The following SEL1L2 variants were observed in gnomAD, a reference collection of about 807,000 sequenced individuals.
The protein encoded by SEL1L2 is protein sel-1 homolog 2.
A neutral mutation model predicts 98.8 loss-of-function variants in SEL1L2; 89 were observed. That is an observed-to-expected ratio of 0.90 (90% confidence interval 0.76 to 1.07). The LOEUF (loss-of-function observed/expected upper bound fraction) is 1.07, where lower values mean the gene tolerates loss of function less well. SEL1L2 is among the 50% of genes least tolerant of loss of function. SEL1L2 has a pLI of 0.00. For synonymous variants in SEL1L2, 262 were observed against 278.5 expected (o/e 0.94, Z 0.59); for missense variants, 788 against 812.0 (o/e 0.97, Z 0.36).
chr20:13,941,370 G>A (rs760746322), intron 2 of SEL1L2, among the ~76,000 whole-genome samples: 51 of 152,094 alleles, frequency 3.4e-4, no homozygotes, highest in Non-Finnish European at 5.9e-4. Context: ...TTGTAACGGT[G>A]GTCTTTGAAT....
At chr20:13,860,042 T>C (rs1989848488) in intron 17 of SEL1L2, among the ~76,000 whole-genome samples, 1 of 152,162 alleles carries the variant, frequency 6.6e-6, no homozygotes, top group Admixed American at 6.5e-5. Flanking sequence ...AATTTTACCT[T>C]TTAATTTTTT....
chr20:13,945,057 G>A (rs1397563580), intron 2 of SEL1L2, among the ~76,000 whole-genome samples: 1 of 152,146 alleles, frequency 6.6e-6, no homozygotes, highest in African/African-American at 2.4e-5. Flanking sequence ...TTGAGTAGAT[G>A]GAGAACTACA....
chr20:13,955,564 T>C (rs2050495530), intron 2 of SEL1L2, among the ~76,000 whole-genome samples: 2 of 152,182 alleles, frequency 1.3e-5, no homozygotes, highest in African/African-American at 4.8e-5. Context: ...AGCAAGCCAT[T>C]GTAATGCTTT....
intron 18 of SEL1L2, among the ~76,000 whole-genome samples, chr20:13,857,311 T>C (rs1989324086): frequency 6.6e-6 from 1 of 151,556 alleles, no homozygotes; most frequent in Admixed American, 6.6e-5. Flanking sequence ...AGAACCCTGG[T>C]AGAAAAGAAC....
chr20:13,976,765 T>C (rs1355561921), intron 1 of SEL1L2, among the ~76,000 whole-genome samples: 1 of 152,164 alleles, frequency 6.6e-6, no homozygotes, highest in African/African-American at 2.4e-5. Flanking sequence ...TAAAAGATAC[T>C]AAAATGAGAT....
intron 2 of SEL1L2, among the ~76,000 whole-genome samples, chr20:13,935,754 G>C (rs1467298462): frequency 1.3e-5 from 2 of 152,150 alleles, no homozygotes; most frequent in African/African-American, 4.8e-5. Flanking sequence ...GATATTAACT[G>C]AATTAAATTT....
At chr20:13,907,730 CTTTCTTTCTTTCTTTCT>C (rs1198413151) in intron 5 of SEL1L2, among the ~76,000 whole-genome samples, 3 of 123,256 alleles carry the variant, frequency 2.4e-5, no homozygotes, top group African/African-American at 9.6e-5. Flanking sequence ...TTCTTTCTTT[CTTTCTTTCTTTCTTTCT>C]TTTCTTTTCT....
chr20:13,995,219 C>T (rs2052613320), upstream of SEL1L2: 1 of 179,404 alleles, frequency 5.6e-6, no homozygotes, highest in African/African-American at 2.4e-5. The surrounding 1 kb of genome is among the most constrained non-coding windows in gnomAD (Gnocchi z 4.3). Context: ...CGGTCCACCT[C>T]CCTCTCCCAC....
intron 2 of SEL1L2, among the ~76,000 whole-genome samples, chr20:13,941,579 G>A (rs6074667): frequency 0.11 from 17,351 of 152,098 alleles, 1,170 homozygotes; most frequent in Admixed American, 0.18. Flanking sequence ...GTTTTGGAGC[G>A]AGACCAGCTG....
chr20:13,889,677 G>T (rs533459071), intron 5 of SEL1L2, among the ~76,000 whole-genome samples: 17 of 152,236 alleles, frequency 1.1e-4, no homozygotes, highest in African/African-American at 3.6e-4. Context: ...TGTAGTCCCA[G>T]CTGCTCGGGA....
intron 1 of SEL1L2, among the ~76,000 whole-genome samples, chr20:13,958,553 G>A (rs766760905): frequency 3.9e-5 from 6 of 152,068 alleles, no homozygotes; most frequent in African/African-American, 4.8e-5. Context: ...AAAATGGGTC[G>A]TAAAGCAGCA....
At chr20:13,890,761 A>C (rs6042414) in intron 5 of SEL1L2, among the ~76,000 whole-genome samples, 16,716 of 152,226 alleles carry the variant, frequency 0.11, 994 homozygotes, top group African/African-American at 0.15. Flanking sequence ...TAAGAGAATA[A>C]AGAAAACAAA....
rs6042465 is a variant in SEL1L2, at chr20:13,977,088, A to G, written c.58+13389T>C. ...TTAACAAGAGAAAAAACACAGGAGGAAGTAACCTTGAAAACAAATGTTGAT... is the reference window on the plus strand; with the variant it reads ...TTAACAAGAGAAAAAACACAGGAGGGAGTAACCTTGAAAACAAATGTTGAT... On this transcript the variant is annotated intron_variant, in intron 1 of 19. Coordinates refer to ENST00000284951, the MANE Select transcript of SEL1L2 (RefSeq NM_025229.2). Among the ~76,000 whole-genome samples, 919 of 152,316 alleles carry G rather than the reference A, an allele frequency of 6.0e-3. 8 individuals carry two copies. Among genetic ancestry groups the G allele is most frequent in the African/African-American group, 0.021 (869 of 41,562 alleles).
chr20:13,887,827 G>T lies in SEL1L2; in HGVS notation c.687C>A (p.Ile229=). Residue 229 remains isoleucine, a synonymous_variant, in exon 8 of 20, where the codon ATC becomes ATA. Transcript: ENST00000284951. Reference sequence around the variant, plus strand: ...CAACTTCACAATTCTGTAGAACATTGATTCCCGACAAATATCTGTACCCCT... The same window carrying T: ...CAACTTCACAATTCTGTAGAACATTTATTCCCGACAAATATCTGTACCCCT... ...MILGYRYLSG[I]NVLQNCEVAL... is the part of the protein sequence containing the mutation. The T allele has an allele frequency of 1.2e-6, 2 of 1,613,292 alleles. No individual in the cohort carries two copies. Among genetic ancestry groups the T allele is most frequent in the Non-Finnish European group, 1.7e-6 (2 of 1,179,484 alleles).
intron 4 of SEL1L2, among the ~76,000 whole-genome samples, chr20:13,915,955 C>G (rs745460226): frequency 6.6e-6 from 1 of 152,148 alleles, no homozygotes; most frequent in Non-Finnish European, 1.5e-5. Flanking sequence ...ACATCAGAAA[C>G]TTGGTGTAGA....
intron 1 of SEL1L2, among the ~76,000 whole-genome samples, chr20:13,989,179 A>G (rs79801563): frequency 0.028 from 4,232 of 152,292 alleles, 82 homozygotes; most frequent in Middle Eastern, 0.065. Flanking sequence ...TGTGGTCATC[A>G]GAATATGAGT....
chr20:13,857,864 T>C (rs988129443), intron 18 of SEL1L2, among the ~76,000 whole-genome samples: 6 of 152,220 alleles, frequency 3.9e-5, no homozygotes, highest in African/African-American at 1.4e-4. Flanking sequence ...CTTATTCATT[T>C]TATTCTTAAT....
chr20:13,882,532 C>T (rs917842644), intron 10 of SEL1L2, among the ~76,000 whole-genome samples: 5 of 152,134 alleles, frequency 3.3e-5, no homozygotes, highest in African/African-American at 9.7e-5. Context: ...AGCATGAGAC[C>T]ACATGGAGAG....
chr20:13,929,521 A>G, intron 3 of SEL1L2, among the ~76,000 whole-genome samples: 1 of 92,160 alleles, frequency 1.1e-5, no homozygotes, highest in Non-Finnish European at 1.9e-5. Flanking sequence ...TTTGAGACGG[A>G]GTCTCGCTCT....
Sources: gnomAD v4.1 joint callset for allele counts (sites outside exome capture counted in the v4.1 genomes callset) on GRCh38, gnomAD v4.1.1 for gene constraint, Gnocchi (gnomAD v3.1) non-coding constraint, MANE v1.5 for transcripts, NCBI Gene and HGNC (gene_info 2026-07-23, HGNC 2026-07-21) for gene names.